Variants in COL3A1 observed in about 807,000 individuals in gnomAD.
COL3A1 encodes the protein collagen type III alpha 1 chain.
A neutral mutation model predicts 200.9 loss-of-function variants in COL3A1; 46 were observed. The ratio of observed to expected loss-of-function variants is 0.23; its 90% CI spans 0.18 to 0.29. COL3A1 has a LOEUF of 0.29. Ranked by LOEUF, COL3A1 falls within the 10% of genes least tolerant of loss-of-function variation. COL3A1 has a pLI of 1.00. For synonymous variants in COL3A1, 650 were observed against 628.0 expected (o/e 1.03, Z -0.52); for missense variants, 1,367 against 1,917.6 (o/e 0.71, Z 5.36).
At chr2:188,987,735 C>A (rs563142694) in intron 5 of COL3A1, among the ~76,000 whole-genome samples, 3 of 152,102 alleles carry the variant, frequency 2.0e-5, no homozygotes, top group East Asian at 1.9e-4. Context: ...GGCTGCCAAG[C>A]GAGAAATTGC....
rs916276538 is a variant in COL3A1, at chr2:189,003,924, A to G, written c.2662-58A>G. The stretch of plus-strand genomic sequence containing the variant: ...AAAATTATTTGAAGTAAGTAAAAAA[A>G]GAAAGAAAAAATGCACTTTTTATTA... On this transcript the variant is annotated intron_variant, in intron 38 of 50. Coordinates refer to ENST00000304636, the MANE Select transcript of COL3A1 (RefSeq NM_000090.4). 8.3e-6 allele frequency: 13 copies of G among 1,566,330 alleles called. No homozygotes were observed. The East Asian group carries it at 2.9e-4, about 34-fold the overall frequency.
chr2:188,997,467 T>G lies in COL3A1; in HGVS notation c.1869+78T>G, dbSNP rs1392316266. On this transcript the variant is annotated intron_variant, in intron 26 of 50. Transcript: ENST00000304636. ...GAAGAATGCTTCAAAAATTACATAA[T>G]CTCTGACACCATGTTGTTACAGTTT... 9 of 1,416,614 alleles carry G rather than the reference T, an allele frequency of 6.4e-6. No homozygotes were observed. The East Asian group carries it at 2.0e-4, about 32-fold the overall frequency. The allele number at this position is 1,416,614 out of a possible 1,614,324, so 87.8% of individuals were successfully genotyped here. A position where few individuals can be genotyped will look rare whatever the true frequency, so the allele number is the denominator to read the frequency against.
intron 23 of COL3A1, 91 bp from the exon 24 acceptor site, chr2:188,996,287 TATGTATATCTATATATATAC>T (rs1688312271): frequency 1.3e-6 from 1 of 759,744 alleles, no homozygotes; most frequent in African/African-American, 3.7e-5. Flanking sequence ...TATATATGTA[TATGTATATCTATATATATAC>T]ACACACACAC....
chr2:189,008,907 T>C lies in COL3A1; in HGVS notation c.3526-17T>C, dbSNP rs375838790. ...TGAATGTGCATACCTCAATGATCCA[T>C]GTTTTACTCATTCTAGGGCTCCCCA... On this transcript the variant is annotated splice_polypyrimidine_tract_variant and intron_variant, in intron 47 of 50. Coordinates refer to ENST00000304636, the MANE Select transcript of COL3A1 (RefSeq NM_000090.4). The C allele has an allele frequency of 9.3e-6, 15 of 1,612,670 alleles. No homozygotes were observed. In the African/African-American group the frequency reaches 1.1e-4, roughly 11 times the overall value.
At chr2:188,975,456 TC>T (rs1293093710) in intron 1 of COL3A1, among the ~76,000 whole-genome samples, 1 of 152,170 alleles carries the variant, frequency 6.6e-6, no homozygotes, top group African/African-American at 2.4e-5. Context: ...TTTACCATAG[TC>T]ATGAAAATGC....
chr2:188,992,303 A>G (rs1309499737), intron 14 of COL3A1, 75 bp downstream of exon 14: 3 of 1,265,602 alleles, frequency 2.4e-6, no homozygotes, highest in East Asian at 2.5e-5. Context: ...AATATTTTAT[A>G]TATGTATATA....
intron 3 of COL3A1, 134 bp downstream of exon 3, chr2:188,985,381 A>C: frequency 1.3e-6 from 1 of 768,792 alleles, no homozygotes; most frequent in Non-Finnish European, 2.2e-6. Flanking sequence ...ACCAAACAAC[A>C]GACTGAGAAT....
intron 13 of COL3A1, 51 bp from the exon 14 acceptor site, chr2:188,992,133 G>C (rs1226154318): frequency 6.3e-7 from 1 of 1,585,354 alleles, no homozygotes; most frequent in South Asian, 1.1e-5. Flanking sequence ...TATTACTCAT[G>C]ACCAGCCATT....
intron 13 of COL3A1, 134 bp from the exon 14 acceptor site, chr2:188,992,050 T>C (rs887099082): frequency 1.2e-6 from 1 of 841,796 alleles, no homozygotes; most frequent in South Asian, 1.4e-5. Flanking sequence ...GACTTTAAAA[T>C]ACATAATTAT....
At chr2:189,011,512 T>C in intron 50 of COL3A1, 116 bp from the exon 51 acceptor site, 1 of 1,183,162 alleles carries the variant, frequency 8.5e-7, no homozygotes, top group East Asian at 2.4e-5. Context: ...ACATGAATAA[T>C]AACATGGCAC....
chr2:189,005,686 T>A (rs1688569230), intron 41 of COL3A1: 2 of 555,174 alleles, frequency 3.6e-6, no homozygotes, highest in South Asian at 1.9e-5. Flanking sequence ...TATCTCTAAC[T>A]AAATTAGGAA....
chr2:188,977,413 G>C (rs1203024287), intron 1 of COL3A1, among the ~76,000 whole-genome samples: 1 of 152,082 alleles, frequency 6.6e-6, no homozygotes, highest in Non-Finnish European at 1.5e-5. Flanking sequence ...TAGACGTCAT[G>C]AGAGTATATT....
intron 32 of COL3A1, 134 bp downstream of exon 32, chr2:189,000,029 T>G: frequency 1.1e-6 from 1 of 874,206 alleles, no homozygotes; most frequent in East Asian, 2.6e-5. Flanking sequence ...CCCGAATGAC[T>G]TGATTTATAA....
At position 188,996,159 on chromosome 2, in the gene COL3A1, A is replaced by G. The variant is rs1688304657; in HGVS notation, c.1643A>G (p.Asp548Gly). 1 of 1,613,762 alleles carries G rather than the reference A, an allele frequency of 6.2e-7. No individual in the cohort carries two copies. The highest frequency in any genetic ancestry group is 2.2e-5 in the East Asian group (1 of 44,800). The change falls in exon 23 of 51, where the codon GAT becomes GGT. Residue 548 changes from aspartate (D) to glycine (G), a missense_variant. Asp to Gly is a moderately conservative substitution (Grantham distance 94). Around this residue, in one of 5 missense-constraint regions of COL3A1, gnomAD observed 462 missense variants for 681.4 expected, o/e 0.68. Coordinates refer to ENST00000304636, the MANE Select transcript of COL3A1 (RefSeq NM_000090.4). ...MPGSPGGPGS[D>G]GKPGPPGSQG... ...GGAAGTCCAGGAGGACCAGGAAGTG[A>G]TGGGAAACCAGGGCCTCCCGTATGT... is the stretch of plus-strand genomic sequence containing the variant.
intron 16 of COL3A1, 55 bp downstream of exon 16, chr2:188,993,514 G>T: frequency 7.3e-7 from 1 of 1,373,424 alleles, no homozygotes; most frequent in Non-Finnish European, 1.0e-6. Context: ...CTCCATGAAA[G>T]CATAGTTTCA....
chr2:189,008,127 T>C lies in COL3A1; in HGVS notation c.3510T>C (p.Gly1170=), dbSNP rs1576472984. ...CACCAGGGCCTCGAGGTAACAGAGG[T>C]GAAAGAGGATCTGAGGTAAGACATC... ...IGPPGPRGNR[G]ERGSEGSPGH... is the part of the protein sequence containing the mutation. Residue 1170 remains glycine, a synonymous_variant, in exon 47 of 51, where the codon GGT becomes GGC. Coordinates refer to ENST00000304636, the MANE Select transcript of COL3A1 (RefSeq NM_000090.4). The C allele has an allele frequency of 3.1e-6, 5 of 1,612,920 alleles. No individual in the cohort carries two copies. Among genetic ancestry groups the C allele is most frequent in the Non-Finnish European group, 3.4e-6 (4 of 1,179,394 alleles).
intron 27 of COL3A1, 102 bp from the exon 28 acceptor site, chr2:188,998,164 G>C (rs28736387): frequency 9.2e-7 from 1 of 1,090,534 alleles, no homozygotes; most frequent in African/African-American, 1.6e-5. Context: ...AAGACCACTG[G>C]AACTTTTTTT....
intron 26 of COL3A1, 121 bp from the exon 27 acceptor site, chr2:188,997,579 A>C: frequency 1.7e-6 from 2 of 1,197,536 alleles, no homozygotes; most frequent in Non-Finnish European, 2.4e-6. Flanking sequence ...CTTTGGGTCC[A>C]GGTCCTCCCT....
intron 40 of COL3A1, among the ~76,000 whole-genome samples, chr2:189,004,706 G>C (rs1688550329): frequency 6.6e-6 from 1 of 152,046 alleles, no homozygotes; most frequent in Admixed American, 6.5e-5. Flanking sequence ...ATAGATCTTG[G>C]AAAGTCTTTC....
Sources: allele counts gnomAD v4.1 joint callset (sites outside exome capture counted in the v4.1 genomes callset), GRCh38; gene constraint gnomAD v4.1.1; regional missense constraint gnomAD v4.1.1; transcripts MANE v1.5; gene names NCBI Gene and HGNC (gene_info 2026-07-23, HGNC 2026-07-21).